Variants in ARHGAP21 observed in about 807,000 individuals in gnomAD.
ARHGAP21 encodes the protein Rho GTPase activating protein 21, also known as rho GTPase-activating protein 21.
ARHGAP21 carries 38 observed loss-of-function variants against 164.6 expected under a neutral mutation model. The ratio of observed to expected loss-of-function variants is 0.23; its 90% CI spans 0.18 to 0.30. The LOEUF is 0.30. Among genes scored for constraint, ARHGAP21 ranks in the 10% least tolerant of loss-of-function variants. The pLI, the probability that ARHGAP21 is intolerant of heterozygous loss-of-function variation, is 1.00. For missense variants in ARHGAP21, 1,822 were observed against 2,370.7 expected, an observed-to-expected ratio of 0.77 and a Z score of 4.81; for synonymous variants, 766 against 857.9, an observed-to-expected ratio of 0.89 and a Z score of 1.87.
At position 24,602,075 on chromosome 10, in the gene ARHGAP21, T is replaced by C; in HGVS notation, c.2750A>G (p.Asp917Gly). 6.2e-7 allele frequency: 1 copy of C among 1,613,170 alleles called. No homozygotes were observed. ...GGAAGAATCTTTTCTGGACCCAGAG[T>C]CTTCTGATGACTTTTGGCTGTCTGC... ...KIADSQKSSE[D>G]SGSRKDSSSE... The change falls in exon 13 of 26, where the codon GAC (aspartate) becomes GGC (glycine). Residue 917 changes from aspartate (D) to glycine (G), a missense_variant. Physicochemically the swap from Asp to Gly is moderately conservative, Grantham distance 94. Around this residue, in one of 5 missense-constraint regions of ARHGAP21, gnomAD observed 1,090 missense variants for 1,378.9 expected, o/e 0.79. Coordinates refer to ENST00000396432, the MANE Select transcript of ARHGAP21 (RefSeq NM_020824.4).
intron 2 of ARHGAP21, among the ~76,000 whole-genome samples, chr10:24,707,129 T>A (rs940497607): frequency 6.6e-6 from 1 of 152,220 alleles, no homozygotes; most frequent in Non-Finnish European, 1.5e-5. Flanking sequence ...TTCCAGTCTC[T>A]TTGTTCTCTT....
At chr10:24,628,834 TAC>T (rs1030459211) in intron 7 of ARHGAP21, among the ~76,000 whole-genome samples, 21 of 144,244 alleles carry the variant, frequency 1.5e-4, no homozygotes, top group South Asian at 4.3e-4. Flanking sequence ...CACATATATG[TAC>T]ATATATACAC....
At chr10:24,681,820 T>C (rs1565154991) in intron 2 of ARHGAP21, among the ~76,000 whole-genome samples, 1 of 152,144 alleles carries the variant, frequency 6.6e-6, no homozygotes, top group East Asian at 1.9e-4. Context: ...TTGTTGTATA[T>C]AAACTGTTGG....
intron 2 of ARHGAP21, among the ~76,000 whole-genome samples, chr10:24,670,742 A>T (rs1840619922): frequency 6.6e-6 from 1 of 152,230 alleles, no homozygotes; most frequent in Non-Finnish European, 1.5e-5. Context: ...ATGGATTAAG[A>T]AACAGAAAGC....
chr10:24,694,670 A>G (rs979768828), intron 2 of ARHGAP21, among the ~76,000 whole-genome samples: 1 of 152,130 alleles, frequency 6.6e-6, no homozygotes, highest in Admixed American at 6.5e-5. Context: ...TGTCCCATAC[A>G]CTTTTTCACT....
At chr10:24,690,901 C>T (rs1386659037) in intron 2 of ARHGAP21, among the ~76,000 whole-genome samples, 1 of 151,382 alleles carries the variant, frequency 6.6e-6, no homozygotes, top group Non-Finnish European at 1.5e-5. Flanking sequence ...CATACACACA[C>T]ACACATATAA....
intron 16 of ARHGAP21, among the ~76,000 whole-genome samples, 194 bp downstream of exon 16, chr10:24,597,253 C>T (rs1049689468): frequency 4.6e-5 from 7 of 152,068 alleles, no homozygotes; most frequent in African/African-American, 1.7e-4. Context: ...CCCTCACTTT[C>T]GCTTTATAAT....
At chr10:24,615,457 C>T (rs73606521) in intron 9 of ARHGAP21, among the ~76,000 whole-genome samples, 73 of 152,210 alleles carry the variant, frequency 4.8e-4, no homozygotes, top group African/African-American at 1.8e-3. Context: ...CCAATTCAAA[C>T]CTGGGTGATC....
chr10:24,621,488 G>T, intron 8 of ARHGAP21, 119 bp from the exon 9 acceptor site: 1 of 862,558 alleles, frequency 1.2e-6, no homozygotes, highest in Non-Finnish European at 1.8e-6. Flanking sequence ...ATTCACTATA[G>T]CATGCATGCA....
intron 12 of ARHGAP21, among the ~76,000 whole-genome samples, chr10:24,602,450 G>T (rs894823916): frequency 1.3e-5 from 2 of 152,208 alleles, no homozygotes; most frequent in African/African-American, 4.8e-5. Flanking sequence ...TGGTGATGAG[G>T]TGGCAGGGCT....
intron 2 of ARHGAP21, among the ~76,000 whole-genome samples, chr10:24,700,911 G>A (rs146177474): frequency 2.2e-4 from 34 of 152,260 alleles, no homozygotes; most frequent in African/African-American, 4.8e-4. Flanking sequence ...CAGAACATCC[G>A]CATTTCTTAC....
rs765886170 is a variant in ARHGAP21, at chr10:24,621,142, A to T, written c.753T>A (p.Pro251=). ...ATTTTGCAACATCTGTTGGTGATGG[A>T]GGCACTTGTATTTCCATTCTATAGG... The part of the protein sequence containing the change: ...GRAYRMEIQV[P]PSPTDVAKSN... The change falls in exon 9 of 26, where the codon CCT becomes CCA. Residue 251 remains proline (P), a synonymous_variant. Coordinates refer to ENST00000396432, the MANE Select transcript of ARHGAP21 (RefSeq NM_020824.4). The T allele has an allele frequency of 6.2e-7, 1 of 1,613,512 alleles. No homozygotes were observed. Among genetic ancestry groups the T allele is most frequent in the East Asian group, 2.2e-5 (1 of 44,866 alleles).
chr10:24,611,758 A>G (rs1267251476), intron 9 of ARHGAP21, among the ~76,000 whole-genome samples: 1 of 152,112 alleles, frequency 6.6e-6, no homozygotes, highest in East Asian at 1.9e-4. Context: ...CTCACTCTTG[A>G]TGTCATTACT....
rs1416793934 is a variant in ARHGAP21 at position 24,656,619 on chromosome 10, G to A, written c.268+10366C>T. Among the ~76,000 whole-genome samples the A allele has an allele frequency of 1.8e-3, 165 of 89,798 alleles. 1 individual carries two copies. Among genetic ancestry groups the A allele is most frequent in the African/African-American group, 5.9e-3 (126 of 21,312 alleles). 58.9% of individuals were successfully genotyped at this position (89,798 alleles called of 152,430 possible). On this transcript the variant is annotated intron_variant, in intron 4 of 25. Coordinates refer to ENST00000396432, the MANE Select transcript of ARHGAP21 (RefSeq NM_020824.4). ...CCGCCCCGTCTGGGAGGTGAGGGGC[G>A]CCTCTGCCCGGCCGCCCCTACTGGG...
chr10:24,629,355 T>A (rs1368155546), intron 7 of ARHGAP21: 2 of 152,162 alleles, frequency 1.3e-5, no homozygotes, highest in Non-Finnish European at 2.9e-5. Context: ...AGGAGTTAAG[T>A]ATTCTATTCA....
chr10:24,666,902 T>A lies in ARHGAP21; in HGVS notation c.268+83A>T, dbSNP rs41279876. The stretch of plus-strand genomic sequence containing the variant: ...ATATATTTGAACACCAAAAATTATA[T>A]CATCTCATTTAGTATCACTTAAAGA... On this transcript the variant is annotated intron_variant, in intron 4 of 25. Coordinates refer to ENST00000396432, the MANE Select transcript of ARHGAP21 (RefSeq NM_020824.4). 225 of 990,480 alleles carry A rather than the reference T, an allele frequency of 2.3e-4. 1 individual carries two copies. The highest frequency in any genetic ancestry group is 2.8e-4 in the Middle Eastern group (1 of 3,574). The allele number at this position is 990,480 out of a possible 1,614,324, so 61.4% of individuals were successfully genotyped here. A position where few individuals can be genotyped will look rare whatever the true frequency, so the allele number is the denominator to read the frequency against.
chr10:24,656,625 G>T (rs1838995450), intron 4 of ARHGAP21, among the ~76,000 whole-genome samples: 1 of 102,042 alleles, frequency 9.8e-6, no homozygotes, highest in African/African-American at 4.0e-5. Context: ...GGGCGCCTCT[G>T]CCCGGCCGCC....
At position 24,616,972 on chromosome 10, in the gene ARHGAP21, A is replaced by G. The variant is rs371355309; in HGVS notation, c.2422+2501T>C. Reference sequence around the variant, plus strand: ...TTTTGTATGCCTGTATGCCTCCTGCAACCTTAGTATATAGCAGGGGTCCTC... The same window carrying G: ...TTTTGTATGCCTGTATGCCTCCTGCGACCTTAGTATATAGCAGGGGTCCTC... On this transcript the variant is annotated intron_variant, in intron 9 of 25. Transcript: ENST00000396432. 8.5e-5 allele frequency among the ~76,000 whole-genome samples: 13 copies of G among 152,290 alleles called. No homozygotes were observed. In the South Asian group the frequency reaches 2.1e-3, roughly 24 times the overall value.
chr10:24,703,471 G>C (rs971597173), intron 2 of ARHGAP21, among the ~76,000 whole-genome samples: 1 of 152,124 alleles, frequency 6.6e-6, no homozygotes, highest in Non-Finnish European at 1.5e-5. Context: ...GAGAAGGCAA[G>C]TAACACTCAA....
Sources: allele counts gnomAD v4.1 joint callset (sites outside exome capture counted in the v4.1 genomes callset), GRCh38; gene constraint gnomAD v4.1.1; regional missense constraint gnomAD v4.1.1; transcripts MANE v1.5; gene names NCBI Gene and HGNC (gene_info 2026-07-23, HGNC 2026-07-21).